SCLT1: variants seen among roughly 807,000 people sequenced by gnomAD.
SCLT1 encodes the protein sodium channel and clathrin linker 1.
A neutral mutation model predicts 112.8 loss-of-function variants in SCLT1; 78 were observed. The ratio of observed to expected loss-of-function variants is 0.69; its 90% CI spans 0.58 to 0.83. The LOEUF is 0.83. Among genes scored for constraint, SCLT1 ranks in the 40% least tolerant of loss-of-function variants. The probability of loss-of-function intolerance (pLI) is 0.00; values close to 1 mark genes in which losing one functional copy is unlikely to be tolerated. For missense variants in SCLT1, 747 were observed against 770.4 expected (o/e 0.97, Z 0.36); for synonymous variants, 257 against 254.7 (o/e 1.01, Z -0.09).
At chr4:129,027,164 C>T (rs1746185011) in intron 5 of SCLT1, among the ~76,000 whole-genome samples, 1 of 152,078 alleles carries the variant, frequency 6.6e-6, no homozygotes, top group Non-Finnish European at 1.5e-5. Flanking sequence ...CTATTCCAAT[C>T]AATAGAAAAG....
intron 16 of SCLT1, chr4:128,944,619 T>C (rs1359324105): frequency 6.6e-6 from 1 of 152,130 alleles, no homozygotes; most frequent in Non-Finnish European, 1.5e-5. Context: ...ACTCCAAACA[T>C]TCCTGAAATT....
At chr4:128,995,655 G>C (rs1386819054) in intron 8 of SCLT1, among the ~76,000 whole-genome samples, 1 of 152,102 alleles carries the variant, frequency 6.6e-6, no homozygotes, top group African/African-American at 2.4e-5. Context: ...CCAGGGAGAT[G>C]CTGGCAGCTG....
intron 18 of SCLT1, among the ~76,000 whole-genome samples, chr4:128,921,726 A>G (rs1362996978): frequency 1.3e-5 from 2 of 152,212 alleles, no homozygotes; most frequent in Non-Finnish European, 2.9e-5. Context: ...CCATCTGGAC[A>G]TAGGCCCTGG....
chr4:128,977,754 G>A (rs1741303978), intron 9 of SCLT1, among the ~76,000 whole-genome samples: 1 of 152,186 alleles, frequency 6.6e-6, no homozygotes, highest in Non-Finnish European at 1.5e-5. Context: ...GTAAGATAAA[G>A]TCAGAGAGGA....
intron 9 of SCLT1, among the ~76,000 whole-genome samples, chr4:128,973,519 AGG>A (rs1486512809): frequency 3.3e-4 from 50 of 151,452 alleles, no homozygotes; most frequent in African/African-American, 1.0e-3. Context: ...AGAGAAAGAG[AGG>A]GAGAGAGAGA....
rs537400235 is a variant in SCLT1, at chr4:128,975,679, C to T, written c.687-5211G>A. 3.9e-5 allele frequency among the ~76,000 whole-genome samples: 6 copies of T among 152,118 alleles called. No homozygotes were observed. In the South Asian group the frequency reaches 8.3e-4, roughly 21 times the overall value. On this transcript the variant is annotated intron_variant, in intron 9 of 20. Transcript: ENST00000281142. ...CCTCTTTAAAATAAAAAAATGCACA[C>T]GTTAGGTAATTTAATAAGGACTTTT...
chr4:128,939,768 T>G (rs2125985503), intron 17 of SCLT1, among the ~76,000 whole-genome samples: 1 of 152,294 alleles, frequency 6.6e-6, no homozygotes, highest in East Asian at 1.9e-4. Context: ...ATTGTTAAGG[T>G]TTGTAGCCAA....
intron 9 of SCLT1, among the ~76,000 whole-genome samples, chr4:128,980,265 A>G (rs1216887496): frequency 2.6e-5 from 4 of 152,218 alleles, no homozygotes; most frequent in African/African-American, 7.2e-5. Context: ...TTTAAATTAG[A>G]ACATGAAACA....
intron 4 of SCLT1, among the ~76,000 whole-genome samples, chr4:129,040,435 AGT>A (rs1747599468): frequency 1.3e-5 from 2 of 152,154 alleles, no homozygotes; most frequent in South Asian, 4.1e-4. Flanking sequence ...CCTAAGGTGG[AGT>A]GTGAGAGCAC....
intron 18 of SCLT1, among the ~76,000 whole-genome samples, chr4:128,931,180 T>G (rs1736729276): frequency 6.6e-6 from 1 of 152,010 alleles, no homozygotes; most frequent in South Asian, 2.1e-4. Flanking sequence ...TTGGAAATTG[T>G]AATTTTTTTT....
At chr4:128,973,983 C>A (rs1025981918) in intron 9 of SCLT1, among the ~76,000 whole-genome samples, 3 of 151,888 alleles carry the variant, frequency 2.0e-5, no homozygotes, top group Non-Finnish European at 4.4e-5. Context: ...CTGACTCTAC[C>A]AACACAAAAG....
chr4:128,992,575 G>A lies in SCLT1; in HGVS notation c.616-338C>T, dbSNP rs56002856. On this transcript the variant is annotated intron_variant, in intron 8 of 20. Transcript: ENST00000281142. The stretch of plus-strand genomic sequence containing the variant: ...CTGAGCAGCCTGACATGTCTGAAGG[G>A]AACTGGTATATAAAAAACCCAAACT... Among the ~76,000 whole-genome samples the A allele has an allele frequency of 3.8e-3, 572 of 152,032 alleles. 1 individual carries two copies. The highest frequency in any genetic ancestry group is 0.011 in the African/African-American group (475 of 41,520).
At chr4:128,900,464 G>A (rs1392236886) in intron 18 of SCLT1, among the ~76,000 whole-genome samples, 1 of 152,082 alleles carries the variant, frequency 6.6e-6, no homozygotes, top group African/African-American at 2.4e-5. Flanking sequence ...TGGGAAAACT[G>A]GCTAGCCATA....
chr4:129,022,367 C>G (rs1745565715), intron 5 of SCLT1, among the ~76,000 whole-genome samples: 1 of 152,176 alleles, frequency 6.6e-6, no homozygotes, highest in African/African-American at 2.4e-5. Flanking sequence ...GGAGCATGTT[C>G]TAACCCAATG....
rs146536866 is a variant in SCLT1 at position 129,059,833 on chromosome 4, G to A, written c.103-15782C>T. ...CTGTAATATACCTCAGAAAAGACCT[G>A]TTTGGGTTAAGTCTCATTGGGGATG... On this transcript the variant is annotated intron_variant, in intron 2 of 20. Coordinates refer to ENST00000281142, the MANE Select transcript of SCLT1 (RefSeq NM_144643.4). Among the ~76,000 whole-genome samples, 831 of 152,272 alleles carry A rather than the reference G, an allele frequency of 5.5e-3. 8 individuals are homozygous for A. The highest frequency in any genetic ancestry group is 0.019 in the African/African-American group (783 of 41,564).
intron 2 of SCLT1, among the ~76,000 whole-genome samples, chr4:129,055,620 C>T (rs1239923526): frequency 1.3e-5 from 2 of 152,060 alleles, no homozygotes; most frequent in Admixed American, 1.3e-4. Flanking sequence ...GATGCCCCTC[C>T]CCCAACCAAG....
intron 1 of SCLT1, among the ~76,000 whole-genome samples, chr4:129,086,135 A>G (rs1029335065): frequency 8.5e-5 from 13 of 152,244 alleles, no homozygotes; most frequent in Non-Finnish European, 4.4e-5. Flanking sequence ...TTAAAATAGG[A>G]TAAGAAGTAA....
intron 1 of SCLT1, 149 bp from the exon 2 acceptor site, chr4:129,082,522 C>T (rs1416680156): frequency 4.4e-6 from 2 of 450,888 alleles, no homozygotes; most frequent in Admixed American, 4.1e-5. Flanking sequence ...TTTCAATACA[C>T]CATTTTAAAA....
At chr4:128,995,009 C>G (rs1331848759) in intron 8 of SCLT1, among the ~76,000 whole-genome samples, 1 of 152,078 alleles carries the variant, frequency 6.6e-6, no homozygotes, top group African/African-American at 2.4e-5. Context: ...GTTTGCTGTG[C>G]AAAAACTTTT....
Sources: allele counts gnomAD v4.1 joint callset (sites outside exome capture counted in the v4.1 genomes callset), GRCh38; gene constraint gnomAD v4.1.1; transcripts MANE v1.5; gene names NCBI Gene and HGNC (gene_info 2026-07-23, HGNC 2026-07-21).